The following SLC22A24 variants were observed in gnomAD, a reference collection of about 807,000 sequenced individuals.
The protein encoded by SLC22A24 is solute carrier family 22 member 24.
SLC22A24 carries 53 observed loss-of-function variants against 49.8 expected under a neutral mutation model. The observed-to-expected ratio is 1.06, with a 90% confidence interval of 0.85 to 1.34. The LOEUF is 1.34. Among genes scored for constraint, SLC22A24 ranks in the 40% most tolerant of loss-of-function variants. The probability of loss-of-function intolerance (pLI) is 0.00; values close to 1 mark genes in which losing one functional copy is unlikely to be tolerated. For synonymous variants in SLC22A24, 302 were observed against 256.4 expected, an observed-to-expected ratio of 1.18 and a Z score of -1.70; for missense variants, 786 against 675.9, an observed-to-expected ratio of 1.16 and a Z score of -1.81.
At position 63,115,981 on chromosome 11, in the gene SLC22A24, G is replaced by T. The variant is rs2087210141; in HGVS notation, c.830+2931C>A. The stretch of plus-strand genomic sequence containing the variant: ...TTGGTTTGACCCTTGGCCTTTGGCT[G>T]GCACTGCCCGAGCCCCTTGACAACA... On this transcript the variant is annotated intron_variant, in intron 4 of 9. Coordinates refer to ENST00000612278, the MANE Select transcript of SLC22A24 (RefSeq NM_001136506.2). The T allele has an allele frequency of 9.3e-6, 3 of 322,000 alleles. No homozygotes were observed. In the East Asian group the frequency reaches 1.7e-4, roughly 19 times the overall value. 19.9% of individuals were successfully genotyped at this position (322,000 alleles called of 1,614,324 possible).
Position 63,083,305 on chromosome 11 carries a change from C to A in SLC22A24, c.1223G>T (p.Ser408Ile). 1 of 1,560,892 alleles carries A rather than the reference C, an allele frequency of 6.4e-7. No homozygotes were observed. Among genetic ancestry groups the A allele is most frequent in the East Asian group, 2.4e-5 (1 of 42,056 alleles). ...LTLNHMGRRI[S>I]QILFTFPVGL... Reference sequence around the variant, plus strand: ...CACCGGGAACGTGAACAATATCTGGCTTATTCGACGACCCATATGATTCAG... The same window carrying A: ...CACCGGGAACGTGAACAATATCTGGATTATTCGACGACCCATATGATTCAG... The change falls in exon 7 of 10, where the codon AGC becomes ATC. Residue 408 changes from serine to isoleucine, a missense_variant. Physicochemically the swap from Ser to Ile is moderately radical, Grantham distance 142. Transcript: ENST00000612278.
At chr11:63,114,481 T>A (rs1345127924) in intron 4 of SLC22A24, among the ~76,000 whole-genome samples, 2 of 152,218 alleles carry the variant, frequency 1.3e-5, no homozygotes. Context: ...GTTTTTAGCT[T>A]CCTTGTGATG....
At chr11:63,087,824 A>C (rs1215887295) in intron 6 of SLC22A24, among the ~76,000 whole-genome samples, 1 of 152,074 alleles carries the variant, frequency 6.6e-6, no homozygotes, top group African/African-American at 2.4e-5. Context: ...TGGGCTGGGC[A>C]TGGTAAAGTG....
intron 4 of SLC22A24, among the ~76,000 whole-genome samples, chr11:63,112,713 G>A (rs1282700805): frequency 6.6e-6 from 1 of 151,710 alleles, no homozygotes; most frequent in East Asian, 1.9e-4. Context: ...CTTTTAACTG[G>A]GGCATTTAGC....
At chr11:63,138,509 G>A (rs1350146956) in intron 1 of SLC22A24, among the ~76,000 whole-genome samples, 2 of 151,512 alleles carry the variant, frequency 1.3e-5, no homozygotes, top group East Asian at 3.9e-4. Flanking sequence ...GGGTGTGGTG[G>A]CGGGCACCTG....
intron 1 of SLC22A24, among the ~76,000 whole-genome samples, chr11:63,136,178 G>A (rs1312362642): frequency 6.6e-6 from 1 of 152,122 alleles, no homozygotes; most frequent in East Asian, 1.9e-4. Flanking sequence ...TATGACAACT[G>A]GCAATGAACA....
chr11:63,096,048 A>G lies in SLC22A24; in HGVS notation c.1013T>C (p.Phe338Ser), dbSNP rs2087052636. Residue 338 changes from phenylalanine to serine, a missense_variant, in exon 6 of 10, where the codon TTT becomes TCT. Coordinates refer to ENST00000612278, the MANE Select transcript of SLC22A24 (RefSeq NM_001136506.2). ...CAATTTGGGTGCACGGAACAGGGAA[A>G]AAATGGATGTTTTAATTCGGACTGC... is the stretch of plus-strand genomic sequence containing the variant. ...LDAVRIKTSI[F>S]SLFRAPKLRM... 3 of 1,550,882 alleles carry G rather than the reference A, an allele frequency of 1.9e-6. No homozygotes were observed. Among genetic ancestry groups the G allele is most frequent in the Admixed American group, 2.0e-5 (1 of 50,942 alleles).
At chr11:63,108,918 C>T (rs1327919102) in intron 4 of SLC22A24, among the ~76,000 whole-genome samples, 7 of 146,658 alleles carry the variant, frequency 4.8e-5, no homozygotes, top group Admixed American at 6.9e-5. Context: ...CATATGTATA[C>T]ATGTGCCATG....
chr11:63,116,135 A>T (rs1229900818), intron 4 of SLC22A24: 2 of 428,036 alleles, frequency 4.7e-6, no homozygotes. Context: ...TAGCCTTGGC[A>T]TGTGCACTCA....
chr11:63,094,703 G>A (rs1381080446), intron 6 of SLC22A24, among the ~76,000 whole-genome samples: 1 of 152,108 alleles, frequency 6.6e-6, no homozygotes, highest in East Asian at 1.9e-4. Flanking sequence ...TCTCATTGTG[G>A]TTTTGATTTG....
intron 2 of SLC22A24, among the ~76,000 whole-genome samples, chr11:63,119,808 C>T (rs1156431565): frequency 1.3e-5 from 2 of 152,102 alleles, no homozygotes; most frequent in African/African-American, 4.8e-5. Flanking sequence ...AGATAGGCTG[C>T]ATAACAATCA....
intron 6 of SLC22A24, among the ~76,000 whole-genome samples, 191 bp from the exon 7 acceptor site, chr11:63,083,648 T>C (rs1251228469): frequency 6.6e-6 from 1 of 152,214 alleles, no homozygotes; most frequent in Non-Finnish European, 1.5e-5. Flanking sequence ...GGTCTTAAAA[T>C]AACATAAAAT....
rs772970749 is a variant in SLC22A24 at position 63,119,030 on chromosome 11, A to G, written c.712T>C (p.Leu238=). The G allele has an allele frequency of 7.1e-6, 11 of 1,551,640 alleles. No homozygotes were observed. Among genetic ancestry groups the G allele is most frequent in the Non-Finnish European group, 9.6e-6 (11 of 1,146,908 alleles). ...RSRSMTIMVL[L]CSYSVGQMLL... is the part of the protein sequence containing the mutation. ...ATCTGCCCAACACTGTAGGAACATA[A>G]TAGCACCATTATTGTCATAGATCGT... The change falls in exon 4 of 10, where the codon TTA becomes CTA. Residue 238 remains leucine, a synonymous_variant. Transcript: ENST00000612278.
chr11:63,127,881 A>G (rs2087303375), intron 2 of SLC22A24, among the ~76,000 whole-genome samples: 2 of 151,766 alleles, frequency 1.3e-5, no homozygotes, highest in Non-Finnish European at 2.9e-5. Context: ...TGTCAGATGG[A>G]TAGACTACAA....
chr11:63,138,336 G>A (rs113271937), intron 1 of SLC22A24, among the ~76,000 whole-genome samples: 2,229 of 152,098 alleles, frequency 0.015, 16 homozygotes, highest in Non-Finnish European at 0.023. Flanking sequence ...TTAAAGCTTC[G>A]CAAGCTTGAA....
At chr11:63,107,014 G>A (rs2087126070) in intron 4 of SLC22A24, among the ~76,000 whole-genome samples, 1 of 152,182 alleles carries the variant, frequency 6.6e-6, no homozygotes, top group Non-Finnish European at 1.5e-5. Context: ...CCATGCCTAT[G>A]ACCTGAATGG....
chr11:63,111,252 A>G (rs1324024887), intron 4 of SLC22A24, among the ~76,000 whole-genome samples: 1 of 151,738 alleles, frequency 6.6e-6, no homozygotes, highest in African/African-American at 2.4e-5. Context: ...TCGGTTTGCC[A>G]GTATTTTATT....
chr11:63,136,539 C>T (rs2087376265), intron 1 of SLC22A24, among the ~76,000 whole-genome samples: 1 of 152,272 alleles, frequency 6.6e-6, no homozygotes, highest in South Asian at 2.1e-4. Context: ...CTGACTCCCA[C>T]TTCTTCAAAC....
At chr11:63,094,572 G>C (rs1205888225) in intron 6 of SLC22A24, among the ~76,000 whole-genome samples, 2 of 152,060 alleles carry the variant, frequency 1.3e-5, no homozygotes, top group Non-Finnish European at 2.9e-5. Flanking sequence ...TTCCACAATG[G>C]TTAAACTAGT....
Sources: allele counts gnomAD v4.1 joint callset (sites outside exome capture counted in the v4.1 genomes callset), GRCh38; gene constraint gnomAD v4.1.1; transcripts MANE v1.5; gene names NCBI Gene and HGNC (gene_info 2026-07-23, HGNC 2026-07-21).